NTRK3: variants seen among roughly 807,000 people sequenced by gnomAD.
The protein encoded by NTRK3 is neurotrophic receptor tyrosine kinase 3, also known as NT-3 growth factor receptor.
A neutral mutation model predicts 91.7 loss-of-function variants in NTRK3; 24 were observed. That is an observed-to-expected ratio of 0.26 (90% CI 0.19 to 0.37). The LOEUF is 0.37. NTRK3 is among the 10% of genes least tolerant of loss of function. NTRK3 has a pLI of 1.00. For missense variants in NTRK3, 880 were observed against 1,068.9 expected (o/e 0.82, Z 2.46); for synonymous variants, 483 against 404.0 (o/e 1.20, Z -2.34).
chr15:88,223,153 C>T (rs1319262874), intron 3 of NTRK3, among the ~76,000 whole-genome samples: 1 of 152,226 alleles, frequency 6.6e-6, no homozygotes. Context: ...GTCAGCCACT[C>T]CAGCTGGAAC....
intron 5 of NTRK3, among the ~76,000 whole-genome samples, chr15:88,168,286 TA>T (rs2045178903): frequency 6.6e-6 from 1 of 151,944 alleles, no homozygotes. Flanking sequence ...TAGTCACTGC[TA>T]GGGGGTCTTC....
chr15:88,159,232 A>C (rs2044210044), intron 5 of NTRK3, among the ~76,000 whole-genome samples: 1 of 152,248 alleles, frequency 6.6e-6, no homozygotes, highest in Admixed American at 6.5e-5. Flanking sequence ...TCTTAAAAAC[A>C]ACAAAACTGT....
At position 87,939,635 on chromosome 15, in the gene NTRK3, G is replaced by A. The variant is rs76454584; in HGVS notation, c.1716+988C>T. On this transcript the variant is annotated intron_variant, in intron 15 of 18. Transcript: ENST00000394480. ...AATGCTAAGGATGGGACCATTGTGA[G>A]GTCTGGGTGAATGTCTTCACGGGGA... Among the ~76,000 whole-genome samples, 922 of 152,254 alleles carry A rather than the reference G, an allele frequency of 6.1e-3. 10 individuals carry two copies. The highest frequency in any genetic ancestry group is 0.021 in the African/African-American group (891 of 41,538).
intron 17 of NTRK3, among the ~76,000 whole-genome samples, chr15:87,900,085 T>C (rs998671981): frequency 1.3e-5 from 2 of 152,162 alleles, no homozygotes; most frequent in Admixed American, 6.5e-5. Flanking sequence ...AAACAGTTGA[T>C]AAAGTCCTTT....
At chr15:88,084,359 T>C (rs1028549263) in intron 13 of NTRK3, among the ~76,000 whole-genome samples, 6 of 152,096 alleles carry the variant, frequency 3.9e-5, no homozygotes, top group African/African-American at 1.4e-4. Flanking sequence ...CAGGGTAAAA[T>C]TGTTCTCCTG....
At chr15:87,992,784 G>A (rs557769600) in intron 14 of NTRK3, among the ~76,000 whole-genome samples, 2 of 152,194 alleles carry the variant, frequency 1.3e-5, no homozygotes, top group African/African-American at 4.8e-5. Context: ...CTTGAATCCA[G>A]GTTTTGCCAT....
rs2052324338 is a variant in NTRK3 at position 88,241,265 on chromosome 15, G to A, written c.248+14641C>T. ...GAGGGCAGTAGAGGGCAGCAGGGTG[G>A]GGCCTCAAGGTCAGAGCATGCCTGC... On this transcript the variant is annotated intron_variant, in intron 3 of 18. Coordinates refer to ENST00000394480, the Ensembl canonical transcript of NTRK3. This position sits in a 1 kb window ranked among gnomAD's most constrained non-coding sequence, Gnocchi z 4.3. 6.6e-6 allele frequency among the ~76,000 whole-genome samples: 1 copy of A among 152,160 alleles called. No homozygotes were observed. The highest frequency in any genetic ancestry group is 1.9e-4 in the East Asian group (1 of 5,194).
At chr15:88,210,708 C>G (rs1336927522) in intron 3 of NTRK3, among the ~76,000 whole-genome samples, 1 of 152,232 alleles carries the variant, frequency 6.6e-6, no homozygotes, top group African/African-American at 2.4e-5. Flanking sequence ...GAAGCCTTCT[C>G]TCATACAGCT....
intron 14 of NTRK3, among the ~76,000 whole-genome samples, chr15:88,024,193 C>T (rs1215137742): frequency 6.6e-6 from 1 of 152,220 alleles, no homozygotes; most frequent in Non-Finnish European, 1.5e-5. Flanking sequence ...GCCGCTTGCA[C>T]ACTCTGATGT....
In NTRK3 at chr15:88,184,219, A is replaced by C. The variant is rs1160988004; in HGVS notation, c.323+6T>G. On this transcript the variant is annotated splice_donor_region_variant and intron_variant, in intron 4 of 18. Coordinates refer to ENST00000394480, the Ensembl canonical transcript of NTRK3. ...GAAAGGCCTCTCTGTGGCCGGGTGT[A>C]CTCACAGCTTTTGAAGTCCGGTGTA... 6.2e-7 allele frequency: 1 copy of C among 1,613,970 alleles called. No homozygotes were observed. Among genetic ancestry groups the C allele is most frequent in the Non-Finnish European group, 8.5e-7 (1 of 1,179,916 alleles).
chr15:88,002,792 CT>C (rs1172882203), intron 14 of NTRK3, among the ~76,000 whole-genome samples: 1 of 150,550 alleles, frequency 6.6e-6, no homozygotes, highest in Non-Finnish European at 1.5e-5. Context: ...ACAAGCATGA[CT>C]AACCAGGTGA....
chr15:88,151,810 C>T (rs2043406424), intron 5 of NTRK3, among the ~76,000 whole-genome samples: 3 of 152,160 alleles, frequency 2.0e-5, no homozygotes, highest in Admixed American at 2.0e-4. Flanking sequence ...GCAGGTATGT[C>T]TTAGGATTTG....
chr15:88,107,671 A>G (rs376940545), intron 13 of NTRK3, among the ~76,000 whole-genome samples: 1 of 152,108 alleles, frequency 6.6e-6, no homozygotes. Context: ...CAGGAGCCCA[A>G]GGCCTATCCA....
chr15:88,230,535 A>G lies in NTRK3; in HGVS notation c.248+25371T>C, dbSNP rs148435174. Among the ~76,000 whole-genome samples the G allele has an allele frequency of 6.2e-4, 95 of 152,354 alleles. 3 individuals carry two copies. In the East Asian group the frequency reaches 0.016, roughly 26 times the overall value. ...ATCTGGCCAGCTTTCCTCAAAGAAG[A>G]GTAAAAAGTTATTTTGAAAAGCCAT... On this transcript the variant is annotated intron_variant, in intron 3 of 18. Coordinates refer to ENST00000394480, the Ensembl canonical transcript of NTRK3.
At chr15:88,188,008 G>A (rs1480884556) in intron 3 of NTRK3, among the ~76,000 whole-genome samples, 2 of 152,040 alleles carry the variant, frequency 1.3e-5, no homozygotes, top group Non-Finnish European at 2.9e-5. Flanking sequence ...CTGTGGGGGC[G>A]GTGACTGGTT....
chr15:87,998,606 C>G (rs1358649763), intron 14 of NTRK3, among the ~76,000 whole-genome samples: 1 of 152,316 alleles, frequency 6.6e-6, no homozygotes, highest in Non-Finnish European at 1.5e-5. Context: ...TGTAAACTCA[C>G]AGCCAACCAC....
intron 3 of NTRK3, among the ~76,000 whole-genome samples, chr15:88,189,418 C>CTTTTTT (rs10588011): frequency 1.4e-5 from 2 of 147,054 alleles, no homozygotes. Flanking sequence ...ATTGCAATTC[C>CTTTTTT]TTTTTTTTTT....
chr15:87,957,000 G>A (rs1219998251), intron 14 of NTRK3, among the ~76,000 whole-genome samples: 4 of 152,140 alleles, frequency 2.6e-5, no homozygotes, highest in African/African-American at 9.7e-5. Context: ...GGAGCAGTGG[G>A]TTGTATTGCC....
At chr15:88,157,853 A>C (rs879569937) in intron 5 of NTRK3, among the ~76,000 whole-genome samples, 6 of 152,144 alleles carry the variant, frequency 3.9e-5, no homozygotes, top group Non-Finnish European at 7.4e-5. Context: ...AAGATGACCC[A>C]GCTGGATGGT....
Sources: allele counts gnomAD v4.1 joint callset (sites outside exome capture counted in the v4.1 genomes callset), GRCh38; gene constraint gnomAD v4.1.1; non-coding constraint Gnocchi (gnomAD v3.1); transcripts MANE v1.5; gene names NCBI Gene and HGNC (gene_info 2026-07-23, HGNC 2026-07-21).